The following PTPRD variants were observed in gnomAD, a reference collection of about 807,000 sequenced individuals.
PTPRD encodes the protein protein tyrosine phosphatase receptor type D, also known as receptor-type tyrosine-protein phosphatase delta.
A neutral mutation model predicts 214.5 loss-of-function variants in PTPRD; 34 were observed. The observed-to-expected ratio is 0.16, with a 90% CI of 0.12 to 0.21. PTPRD has a LOEUF of 0.21. Ranked by LOEUF, PTPRD falls within the 10% of genes least tolerant of loss-of-function variation. The pLI, the probability that PTPRD is intolerant of heterozygous loss-of-function variation, is 1.00. For synonymous variants in PTPRD, 1,128 were observed against 845.7 expected (o/e 1.33, Z -5.79); for missense variants, 2,545 against 2,398.7 (o/e 1.06, Z -1.27).
intron 7 of PTPRD, among the ~76,000 whole-genome samples, chr9:9,690,676 C>T (rs2097253803): frequency 6.6e-6 from 1 of 151,726 alleles, no homozygotes; most frequent in African/African-American, 2.4e-5. Context: ...TAGGATTTTT[C>T]CATATAGGTT....
At chr9:9,123,793 A>G (rs1301888715) in intron 10 of PTPRD, among the ~76,000 whole-genome samples, 1 of 152,164 alleles carries the variant, frequency 6.6e-6, no homozygotes, top group Non-Finnish European at 1.5e-5. Context: ...AAGTCATCAC[A>G]TGCAAATTTA....
intron 9 of PTPRD, among the ~76,000 whole-genome samples, chr9:9,379,725 G>A (rs1377171202): frequency 6.6e-6 from 1 of 151,790 alleles, no homozygotes; most frequent in African/African-American, 2.4e-5. Context: ...TAGTTTTGTA[G>A]TTTTCCTCAT....
intron 31 of PTPRD, among the ~76,000 whole-genome samples, chr9:8,468,809 A>AC (rs1443208653): frequency 2.0e-5 from 3 of 151,462 alleles, no homozygotes; most frequent in Admixed American, 1.3e-4. Context: ...AAAAAAAAAA[A>AC]AAAAAAAACT....
At chr9:9,601,733 A>G (rs574311068) in intron 7 of PTPRD, among the ~76,000 whole-genome samples, 2 of 152,236 alleles carry the variant, frequency 1.3e-5, no homozygotes, top group East Asian at 3.9e-4. Flanking sequence ...TTTTGAATAG[A>G]AAAGGTTAAG....
intron 2 of PTPRD, among the ~76,000 whole-genome samples, chr9:10,529,200 C>G (rs561386107): frequency 1.3e-5 from 2 of 152,070 alleles, no homozygotes; most frequent in Non-Finnish European, 2.9e-5. Context: ...ACCATTTGAT[C>G]CAGCAATCTC....
chr9:9,488,820 C>G (rs988266619), intron 8 of PTPRD, among the ~76,000 whole-genome samples: 1 of 152,154 alleles, frequency 6.6e-6, no homozygotes, highest in African/African-American at 2.4e-5. Context: ...CCACCCCTAG[C>G]CACACTGCAA....
At position 9,766,526 on chromosome 9, in the gene PTPRD, C is replaced by T. The variant is rs10977963; in HGVS notation, c.-326+284G>A. ...TAAAGACATGTTAAACATCTTTCAT[C>T]AACCTTTGAATAGTTCCATTATTTA... is the stretch of plus-strand genomic sequence containing the variant. On this transcript the variant is annotated intron_variant, in intron 6 of 45. Transcript: ENST00000381196. Among the ~76,000 whole-genome samples, 4,922 of 152,180 alleles carry T rather than the reference C, an allele frequency of 0.032. 532 individuals are homozygous for T. In the East Asian group the frequency reaches 0.38, roughly 12 times the overall value.
chr9:8,758,154 G>T (rs2094150602), intron 11 of PTPRD, among the ~76,000 whole-genome samples: 1 of 152,146 alleles, frequency 6.6e-6, no homozygotes, highest in Admixed American at 6.5e-5. Context: ...GGATTTTGAG[G>T]AAACAAGCTT....
chr9:9,604,625 TTAC>T (rs2094020295), intron 7 of PTPRD, among the ~76,000 whole-genome samples: 1 of 152,094 alleles, frequency 6.6e-6, no homozygotes, highest in South Asian at 2.1e-4. Context: ...AAAACTACCA[TTAC>T]TACTACATTT....
At chr9:8,833,227 A>G (rs10121203) in intron 11 of PTPRD, among the ~76,000 whole-genome samples, 86,941 of 151,824 alleles carry the variant, frequency 0.57, 25,776 homozygotes, top group African/African-American at 0.73. Flanking sequence ...TGAAATAACC[A>G]TATTGGACAG....
intron 9 of PTPRD, among the ~76,000 whole-genome samples, chr9:9,246,130 T>A (rs535917853): frequency 7.9e-5 from 12 of 152,064 alleles, no homozygotes; most frequent in Admixed American, 2.6e-4. Flanking sequence ...AACATAAATA[T>A]GATATTTTAG....
intron 7 of PTPRD, among the ~76,000 whole-genome samples, chr9:9,729,333 C>T (rs2098144333): frequency 1.3e-5 from 2 of 152,018 alleles, no homozygotes; most frequent in South Asian, 4.1e-4. Flanking sequence ...TCTACAATCT[C>T]CTTTGCAGAG....
At chr9:9,861,841 T>C (rs2062841135) in intron 5 of PTPRD, among the ~76,000 whole-genome samples, 1 of 152,210 alleles carries the variant, frequency 6.6e-6, no homozygotes, top group East Asian at 1.9e-4. Context: ...TATGTTTATA[T>C]GTAGAGGTAT....
intron 2 of PTPRD, among the ~76,000 whole-genome samples, chr9:10,413,945 A>G (rs1290564926): frequency 3.3e-5 from 5 of 152,014 alleles, no homozygotes; most frequent in Non-Finnish European, 7.4e-5. Context: ...CACCATATAG[A>G]AAGATCAACT....
At chr9:8,443,123 C>T (rs996722026) in intron 34 of PTPRD, among the ~76,000 whole-genome samples, 4 of 152,188 alleles carry the variant, frequency 2.6e-5, no homozygotes, top group African/African-American at 7.2e-5. Flanking sequence ...CGAGCCTGGA[C>T]AACAGAGCAA....
chr9:9,349,403 C>A (rs2050216575), intron 9 of PTPRD, among the ~76,000 whole-genome samples: 2 of 152,024 alleles, frequency 1.3e-5, no homozygotes, highest in African/African-American at 4.8e-5. Context: ...CTGTCTAATA[C>A]AGAAACACTG....
chr9:8,869,356 G>T (rs1344404209), intron 11 of PTPRD, among the ~76,000 whole-genome samples: 1 of 152,078 alleles, frequency 6.6e-6, no homozygotes, highest in Non-Finnish European at 1.5e-5. Context: ...ACAAATAAGA[G>T]GTACAGTATC....
intron 4 of PTPRD, among the ~76,000 whole-genome samples, chr9:10,025,157 G>A (rs2096899813): frequency 6.6e-6 from 1 of 152,060 alleles, no homozygotes; most frequent in African/African-American, 2.4e-5. Flanking sequence ...GTAATGGGAT[G>A]GCTAGGTCAA....
chr9:10,269,784 A>G (rs1483271584), intron 3 of PTPRD, among the ~76,000 whole-genome samples: 2 of 152,196 alleles, frequency 1.3e-5, no homozygotes, highest in Non-Finnish European at 2.9e-5. Context: ...ACAATTCTAT[A>G]AAAATCTTCT....
Sources: gnomAD v4.1 joint callset for allele counts (sites outside exome capture counted in the v4.1 genomes callset) on GRCh38, gnomAD v4.1.1 for gene constraint, MANE v1.5 for transcripts, NCBI Gene and HGNC (gene_info 2026-07-23, HGNC 2026-07-21) for gene names.